The following GRM7 variants were observed in gnomAD, a reference collection of about 807,000 sequenced individuals.
GRM7 encodes the protein glutamate metabotropic receptor 7.
In GRM7, 35 loss-of-function variants were observed where a neutral mutation model predicts 84.5. The observed-to-expected ratio is 0.41, with a 90% CI of 0.32 to 0.55. The LOEUF (loss-of-function observed/expected upper bound fraction) is 0.55, where lower values mean the gene tolerates loss of function less well. Ranked by LOEUF, GRM7 falls within the 20% of genes least tolerant of loss-of-function variation. The pLI is 0.19. For synonymous variants in GRM7, 487 were observed against 455.1 expected (o/e 1.07, Z -0.89); for missense variants, 1,003 against 1,194.6 (o/e 0.84, Z 2.36).
chr3:7,082,958 T>G (rs546148979), intron 1 of GRM7, among the ~76,000 whole-genome samples: 1 of 152,320 alleles, frequency 6.6e-6, no homozygotes, highest in Non-Finnish European at 1.5e-5. Flanking sequence ...GAAAGTGACT[T>G]CTTGAGATGG....
Position 7,599,536 on chromosome 3 carries a change from C to T in GRM7, c.2451+20179C>T, listed in dbSNP as rs555580412. 1.6e-4 allele frequency among the ~76,000 whole-genome samples: 24 copies of T among 152,178 alleles called. No homozygotes were observed. The East Asian group carries it at 2.5e-3, about 16-fold the overall frequency. The stretch of plus-strand genomic sequence containing the variant: ...GGTTTCAGAAGTAGGTGTTTGTCTC[C>T]GGTCTTATATCCAGAGCTTGACATA... On this transcript the variant is annotated intron_variant, in intron 8 of 9. Transcript: ENST00000357716.
rs145607698 is a variant in GRM7 at position 6,881,303 on chromosome 3, C to T, written c.519+19396C>T. Among the ~76,000 whole-genome samples the T allele has an allele frequency of 2.6e-5, 4 of 152,180 alleles. No individual in the cohort carries two copies. In the South Asian group the frequency reaches 8.3e-4, roughly 32 times the overall value. On this transcript the variant is annotated intron_variant, in intron 1 of 9. Transcript: ENST00000357716. ...TGCTCTCCCTTCCCTCACTCCACCCCCCAACAGTCTCCAGTGTGTGTTGTT... is the reference window on the plus strand; with the variant it reads ...TGCTCTCCCTTCCCTCACTCCACCCTCCAACAGTCTCCAGTGTGTGTTGTT...
chr3:7,569,201 A>G (rs1017033176), intron 7 of GRM7, among the ~76,000 whole-genome samples: 14 of 152,160 alleles, frequency 9.2e-5, no homozygotes, highest in Non-Finnish European at 1.6e-4. Flanking sequence ...GAATGCACCA[A>G]TCTACACTCT....
chr3:7,064,395 C>A (rs991061724), intron 1 of GRM7, among the ~76,000 whole-genome samples: 6 of 147,866 alleles, frequency 4.1e-5, no homozygotes, highest in Non-Finnish European at 6.0e-5. Context: ...GCATCCAGGT[C>A]GCTGCAAATG....
intron 1 of GRM7, among the ~76,000 whole-genome samples, chr3:6,939,586 T>C (rs891268112): frequency 1.8e-4 from 28 of 152,172 alleles, no homozygotes; most frequent in Admixed American, 2.6e-4. Context: ...TAGTGAGATG[T>C]ATGAAATTAA....
At chr3:7,196,878 C>G (rs1051333503) in intron 2 of GRM7, among the ~76,000 whole-genome samples, 2 of 152,146 alleles carry the variant, frequency 1.3e-5, no homozygotes, top group Non-Finnish European at 2.9e-5. Context: ...TGTCAGTACA[C>G]ATGAAAGTTA....
At chr3:7,153,559 G>A (rs985776378) in intron 2 of GRM7, among the ~76,000 whole-genome samples, 10 of 152,114 alleles carry the variant, frequency 6.6e-5, no homozygotes, top group East Asian at 3.8e-4. Context: ...AATGATACAA[G>A]TGGTTATGTC....
intron 9 of GRM7, among the ~76,000 whole-genome samples, chr3:7,698,402 C>T (rs1032316055): frequency 6.6e-6 from 1 of 152,194 alleles, no homozygotes; most frequent in African/African-American, 2.4e-5. Context: ...ATGTGATAGA[C>T]ATCATTAGGC....
chr3:7,527,589 T>A (rs1281024935), intron 7 of GRM7, among the ~76,000 whole-genome samples: 3 of 152,178 alleles, frequency 2.0e-5, no homozygotes, highest in Non-Finnish European at 2.9e-5. Flanking sequence ...AGAGTAGACA[T>A]CCTTGTCTTG....
chr3:7,335,035 GCTTAA>G (rs1701350736), intron 4 of GRM7, among the ~76,000 whole-genome samples: 1 of 152,076 alleles, frequency 6.6e-6, no homozygotes. Flanking sequence ...GAAACAATGG[GCTTAA>G]GCTATACACT....
intron 8 of GRM7, among the ~76,000 whole-genome samples, chr3:7,613,922 G>T (rs540350912): frequency 6.6e-6 from 1 of 152,258 alleles, no homozygotes; most frequent in South Asian, 2.1e-4. Flanking sequence ...AAAATTAGTT[G>T]TTGAATGAAA....
intron 2 of GRM7, among the ~76,000 whole-genome samples, chr3:7,175,476 T>C (rs542178352): frequency 6.6e-6 from 1 of 152,362 alleles, no homozygotes; most frequent in East Asian, 1.9e-4. Context: ...AAGCAGAGTA[T>C]AGAGCATGTA....
At chr3:7,455,960 C>G (rs778570306) in intron 6 of GRM7, among the ~76,000 whole-genome samples, 9 of 152,016 alleles carry the variant, frequency 5.9e-5, no homozygotes, top group Non-Finnish European at 1.3e-4. Context: ...GAAGAGGCAC[C>G]ACATTCAATA....
At chr3:7,438,267 A>T (rs1200423434) in intron 5 of GRM7, among the ~76,000 whole-genome samples, 2 of 152,016 alleles carry the variant, frequency 1.3e-5, no homozygotes, top group Non-Finnish European at 2.9e-5. Context: ...AATAACTTGG[A>T]GAAGGGCAGT....
intron 8 of GRM7, among the ~76,000 whole-genome samples, chr3:7,660,576 C>G (rs919018085): frequency 7.2e-5 from 11 of 152,094 alleles, no homozygotes; most frequent in Non-Finnish European, 1.5e-4. Context: ...TATCAATTCT[C>G]CAAATTATAA....
intron 2 of GRM7, among the ~76,000 whole-genome samples, chr3:7,169,444 A>C (rs1266685207): frequency 6.6e-6 from 1 of 152,086 alleles, no homozygotes; most frequent in Non-Finnish European, 1.5e-5. Context: ...CCATCATGGG[A>C]CTCACATAAA....
chr3:7,369,085 G>T (rs1029410339), intron 4 of GRM7, among the ~76,000 whole-genome samples: 2 of 151,898 alleles, frequency 1.3e-5, no homozygotes, highest in African/African-American at 2.4e-5. Context: ...AAGAGGCAGG[G>T]TCTTTCTCTG....
intron 1 of GRM7, among the ~76,000 whole-genome samples, chr3:7,098,308 T>C (rs976396125): frequency 6.6e-6 from 1 of 152,036 alleles, no homozygotes; most frequent in African/African-American, 2.4e-5. Flanking sequence ...GTATTTACAG[T>C]AAAACCTAGA....
At chr3:7,529,187 C>T (rs990942242) in intron 7 of GRM7, among the ~76,000 whole-genome samples, 25 of 151,966 alleles carry the variant, frequency 1.6e-4, no homozygotes, top group Non-Finnish European at 2.4e-4. Context: ...TTATTATGAG[C>T]GTCTTATTGT....
Sources: allele counts gnomAD v4.1 joint callset (sites outside exome capture counted in the v4.1 genomes callset), GRCh38; gene constraint gnomAD v4.1.1; transcripts MANE v1.5; gene names NCBI Gene and HGNC (gene_info 2026-07-23, HGNC 2026-07-21).